Variants in SCAMP2 observed in about 807,000 individuals in gnomAD.
The protein encoded by SCAMP2 is secretory carrier-associated membrane protein 2.
Under a neutral mutation model 44.1 loss-of-function variants are expected in SCAMP2, and 25 were observed. That is an observed-to-expected ratio of 0.57 (90% CI 0.41 to 0.79). The LOEUF (loss-of-function observed/expected upper bound fraction) is 0.79, where lower values mean the gene tolerates loss of function less well. Ranked by LOEUF, SCAMP2 falls within the 30% of genes least tolerant of loss-of-function variation. The pLI, the probability that SCAMP2 is intolerant of heterozygous loss-of-function variation, is 0.00. For missense variants in SCAMP2, 355 were observed against 411.0 expected, an observed-to-expected ratio of 0.86 and a Z score of 1.18; for synonymous variants, 156 against 166.0, an observed-to-expected ratio of 0.94 and a Z score of 0.46.
At chr15:74,846,388 G>C (rs143113551) in intron 7 of SCAMP2, among the ~76,000 whole-genome samples, 1,675 of 150,954 alleles carry the variant, frequency 0.011, 33 homozygotes, top group African/African-American at 0.04. Flanking sequence ...CAAGGCTGCA[G>C]TGAGCTGTGA....
intron 4 of SCAMP2, 62 bp from the exon 5 acceptor site, chr15:74,851,543 A>G (rs2064435711): frequency 2.5e-6 from 4 of 1,600,812 alleles, no homozygotes; most frequent in Non-Finnish European, 3.4e-6. Context: ...ATCAAGGTGC[A>G]TGCACGCCAG....
At chr15:74,854,884 C>A (rs780522823) in intron 1 of SCAMP2, among the ~76,000 whole-genome samples, 1 of 152,024 alleles carries the variant, frequency 6.6e-6, no homozygotes, top group Non-Finnish European at 1.5e-5. Context: ...CAAGCTTTAC[C>A]CAGAAGCTTG....
intron 1 of SCAMP2, among the ~76,000 whole-genome samples, chr15:74,856,904 A>G (rs901203519): frequency 3.3e-5 from 5 of 152,166 alleles, no homozygotes; most frequent in Non-Finnish European, 2.9e-5. Context: ...TCCAGATCCA[A>G]TTGTTAAATA....
chr15:74,848,291 C>T, intron 7 of SCAMP2: 1 of 235,946 alleles, frequency 4.2e-6, no homozygotes, highest in South Asian at 1.0e-4. Flanking sequence ...CTGTCTCGAA[C>T]TCCTGGGCTT....
chr15:74,848,348 A>G lies in SCAMP2; in HGVS notation c.734+252T>C, dbSNP rs955223727. 8.9e-6 allele frequency: 3 copies of G among 335,704 alleles called. No individual in the cohort carries two copies. The East Asian group carries it at 1.5e-4, about 17-fold the overall frequency. 20.8% of individuals were successfully genotyped at this position (335,704 alleles called of 1,614,324 possible). ...CTCCCAAAGTACTGGGATTCCAGGC[A>G]TGAGCCACTGCACCTGACCAATAGT... On this transcript the variant is annotated intron_variant, in intron 7 of 8. Coordinates refer to ENST00000268099, the MANE Select transcript of SCAMP2 (RefSeq NM_005697.5).
At chr15:74,873,090 G>T (rs1567257896) in intron 1 of SCAMP2, 109 bp downstream of exon 1, 1 of 990,864 alleles carries the variant, frequency 1.0e-6, no homozygotes, top group Non-Finnish European at 1.4e-6. Context: ...CCATTGGGCA[G>T]ATGACCCGTC....
chr15:74,865,740 G>A (rs2064537774), intron 1 of SCAMP2, among the ~76,000 whole-genome samples: 1 of 144,134 alleles, frequency 6.9e-6, no homozygotes, highest in Non-Finnish European at 1.5e-5. Flanking sequence ...CTTGAATCCA[G>A]GAGTTCGAGA....
intron 3 of SCAMP2, 166 bp downstream of exon 3, chr15:74,853,855 G>A (rs1180625431): frequency 1.6e-6 from 1 of 620,184 alleles, no homozygotes; most frequent in Non-Finnish European, 2.9e-6. Context: ...AATTGGCAGA[G>A]CAGCCCCTCT....
chr15:74,844,901 G>T lies in SCAMP2; in HGVS notation c.*182C>A. ...TTTGTTTTTTTTTGTACATAGAGGG[G>T]GAAAAAATTCCCTGTCCCTCCCGTT... On this transcript the variant is annotated 3_prime_UTR_variant, in exon 9 of 9. Coordinates refer to ENST00000268099, the MANE Select transcript of SCAMP2 (RefSeq NM_005697.5). 2 of 620,704 alleles carry T rather than the reference G, an allele frequency of 3.2e-6. No individual in the cohort carries two copies. Among genetic ancestry groups the T allele is most frequent in the Non-Finnish European group, 5.5e-6 (2 of 361,020 alleles). 38.4% of individuals were successfully genotyped at this position (620,704 alleles called of 1,614,324 possible).
Position 74,862,091 on chromosome 15 carries a change from C to CA in SCAMP2, c.58-7443dup, listed in dbSNP as rs532547553. Among the ~76,000 whole-genome samples the CA allele has an allele frequency of 4.0e-3, 424 of 106,872 alleles. 2 individuals carry two copies. Among genetic ancestry groups the CA allele is most frequent in the African/African-American group, 8.8e-3 (254 of 28,886 alleles). 70.1% of individuals were successfully genotyped at this position (106,872 alleles called of 152,430 possible). On this transcript the variant is annotated intron_variant, in intron 1 of 8. Coordinates refer to ENST00000268099, the MANE Select transcript of SCAMP2 (RefSeq NM_005697.5). ...CAACAAGGTGAGAACCCGTCTCTAC[C>CA]AAAAAAAAAAAAAATACAAAAGTTA...
At chr15:74,855,191 C>T (rs560269775) in intron 1 of SCAMP2, among the ~76,000 whole-genome samples, 2 of 152,134 alleles carry the variant, frequency 1.3e-5, no homozygotes, top group Non-Finnish European at 2.9e-5. Context: ...GCAACCTTCG[C>T]CTCCTGGGTT....
At position 74,845,003 on chromosome 15, in the gene SCAMP2, C is replaced by A. The variant is rs1036757622; in HGVS notation, c.*80G>T. On this transcript the variant is annotated 3_prime_UTR_variant, in exon 9 of 9. Transcript: ENST00000268099. ...GCCAGGTCTGTGCTGGGCACAACCA[C>A]CACCACATAAGGCACCCACGGAAAG... The A allele has an allele frequency of 1.3e-5, 20 of 1,513,740 alleles. No individual in the cohort carries two copies. The highest frequency in any genetic ancestry group is 1.7e-5 in the Non-Finnish European group (19 of 1,111,284). The allele number at this position is 1,513,740 out of a possible 1,614,324, so 93.8% of individuals were successfully genotyped here. A position where few individuals can be genotyped will look rare whatever the true frequency, so the allele number is the denominator to read the frequency against.
chr15:74,860,136 C>T (rs544742991), intron 1 of SCAMP2, among the ~76,000 whole-genome samples: 155 of 152,252 alleles, frequency 1.0e-3, no homozygotes, highest in African/African-American at 2.2e-3. Flanking sequence ...TTAGGCCTGG[C>T]GCGGTGGCTC....
intron 3 of SCAMP2, chr15:74,853,528 T>A (rs2064449007): frequency 2.2e-6 from 1 of 449,432 alleles, no homozygotes; most frequent in Non-Finnish European, 4.5e-6. Flanking sequence ...TGGGTCACGC[T>A]CATAGGGGCA....
intron 1 of SCAMP2, among the ~76,000 whole-genome samples, chr15:74,860,789 G>T (rs2064498468): frequency 6.6e-6 from 1 of 151,856 alleles, no homozygotes; most frequent in Admixed American, 6.6e-5. Flanking sequence ...GGAGGAGGCT[G>T]CAGTAAGCCA....
chr15:74,853,311 T>G, intron 3 of SCAMP2: 1 of 429,344 alleles, frequency 2.3e-6, no homozygotes, highest in Non-Finnish European at 4.8e-6. Context: ...CTGGGAGGGG[T>G]GTGGGGCAGG....
At chr15:74,862,083 G>A (rs1303601299) in intron 1 of SCAMP2, among the ~76,000 whole-genome samples, 10 of 131,986 alleles carry the variant, frequency 7.6e-5, no homozygotes, top group African/African-American at 1.1e-4. Context: ...GTGAGAACCC[G>A]TCTCTACCAA....
intron 1 of SCAMP2, among the ~76,000 whole-genome samples, chr15:74,857,099 T>A (rs2064473552): frequency 6.6e-6 from 1 of 152,140 alleles, no homozygotes; most frequent in African/African-American, 2.4e-5. Context: ...TTATCTCTTA[T>A]CTTCCCACCT....
At chr15:74,853,481 CCTGT>C (rs1315257517) in intron 3 of SCAMP2, 4 of 456,344 alleles carry the variant, frequency 8.8e-6, no homozygotes, top group Non-Finnish European at 1.3e-5. Flanking sequence ...AACTTGCTGG[CCTGT>C]CTAAGCAGGA....
Sources: allele counts gnomAD v4.1 joint callset (sites outside exome capture counted in the v4.1 genomes callset), GRCh38; gene constraint gnomAD v4.1.1; transcripts MANE v1.5; gene names NCBI Gene and HGNC (gene_info 2026-07-23, HGNC 2026-07-21).